Variants in TIAM1 observed in about 807,000 individuals in gnomAD.
TIAM1 encodes TIAM Rac1 associated GEF 1.
TIAM1 carries 65 observed loss-of-function variants against 163.5 expected under a neutral mutation model. The ratio of observed to expected loss-of-function variants is 0.40; its 90% confidence interval spans 0.33 to 0.49. The LOEUF (loss-of-function observed/expected upper bound fraction) is 0.49, where lower values mean the gene tolerates loss of function less well. Ranked by LOEUF, TIAM1 falls within the 20% of genes least tolerant of loss-of-function variation. TIAM1 has a pLI of 0.77. For missense variants in TIAM1, 1,789 were observed against 2,044.7 expected (o/e 0.87, Z 2.41); for synonymous variants, 833 against 810.1 (o/e 1.03, Z -0.48).
At chr21:31,161,778 C>T (rs752197538) in intron 16 of TIAM1, among the ~76,000 whole-genome samples, 2 of 152,166 alleles carry the variant, frequency 1.3e-5, no homozygotes, top group Non-Finnish European at 2.9e-5. Flanking sequence ...TCAGACAAGG[C>T]TAAATCATGC....
chr21:31,159,653 AAAG>A (rs1374882918), intron 16 of TIAM1, among the ~76,000 whole-genome samples: 5 of 152,222 alleles, frequency 3.3e-5, no homozygotes, highest in African/African-American at 1.2e-4. Flanking sequence ...AACAAACTTC[AAAG>A]AAGAAATATC....
intron 12 of TIAM1, among the ~76,000 whole-genome samples, chr21:31,199,862 T>C (rs2086101526): frequency 6.6e-6 from 1 of 150,710 alleles, no homozygotes; most frequent in Admixed American, 6.6e-5. Flanking sequence ...AATACCTCTA[T>C]GATTCCACTC....
At position 31,223,455 on chromosome 21, in the gene TIAM1, A is replaced by G; in HGVS notation, c.1946T>C (p.Val649Ala). ...LLAFASRPTK[V>A]AMGRLGIFSV... ...AAAGATTCCAAGGCGGCCCATGGCC[A>G]CTTTCGTTGGTCGACTTGCAAAAGC... The change falls in exon 8 of 28, where the codon GTG (valine) becomes GCG (alanine). Residue 649 changes from valine (V) to alanine (A), a missense_variant. This residue lies in a region of TIAM1 where 456 missense variants were observed against 586.6 expected (regional missense o/e 0.78). Transcript: ENST00000541036. The G allele has an allele frequency of 6.2e-7, 1 of 1,614,016 alleles. No individual in the cohort carries two copies. Among genetic ancestry groups the G allele is most frequent in the South Asian group, 1.1e-5 (1 of 91,046 alleles).
chr21:31,198,923 A>G (rs945159006), intron 12 of TIAM1, among the ~76,000 whole-genome samples: 58 of 152,380 alleles, frequency 3.8e-4, no homozygotes, highest in African/African-American at 1.2e-4. Context: ...AACTAAAACT[A>G]TATCTCAAGA....
At chr21:31,435,274 G>A (rs568000945) in intron 2 of TIAM1, among the ~76,000 whole-genome samples, 10 of 152,160 alleles carry the variant, frequency 6.6e-5, no homozygotes, top group Non-Finnish European at 1.3e-4. Context: ...CAAGTTTAAG[G>A]CAAGAAGATA....
At chr21:31,164,117 G>A (rs1023625283) in intron 16 of TIAM1, among the ~76,000 whole-genome samples, 2 of 152,186 alleles carry the variant, frequency 1.3e-5, no homozygotes, top group Admixed American at 6.5e-5. Context: ...CAGGCCGGGT[G>A]CAGTGGCTCA....
At chr21:31,275,330 G>C (rs2073250834) in intron 3 of TIAM1, among the ~76,000 whole-genome samples, 1 of 151,874 alleles carries the variant, frequency 6.6e-6, no homozygotes, top group South Asian at 2.1e-4. Flanking sequence ...AAAATAAATA[G>C]AACATGCCAA....
intron 2 of TIAM1, among the ~76,000 whole-genome samples, chr21:31,408,589 C>G (rs1459275525): frequency 6.6e-6 from 1 of 152,212 alleles, no homozygotes; most frequent in African/African-American, 2.4e-5. Flanking sequence ...TGCTCAATAA[C>G]ATTTTGGCTA....
chr21:31,465,860 C>T (rs781757624), intron 1 of TIAM1, among the ~76,000 whole-genome samples: 4 of 151,984 alleles, frequency 2.6e-5, no homozygotes, highest in East Asian at 1.9e-4. Context: ...CGTGAGCCAC[C>T]GCACCTGGCT....
chr21:31,342,247 C>G (rs2076042132), intron 1 of TIAM1, among the ~76,000 whole-genome samples: 2 of 151,722 alleles, frequency 1.3e-5, no homozygotes, highest in Non-Finnish European at 2.9e-5. Flanking sequence ...GAGCTCCAGT[C>G]CAGCCTGGGC....
intron 2 of TIAM1, among the ~76,000 whole-genome samples, chr21:31,360,975 A>G (rs2076397087): frequency 6.6e-6 from 1 of 152,180 alleles, no homozygotes; most frequent in Non-Finnish European, 1.5e-5. Context: ...TGGGTCAGGC[A>G]CTTTAGTAAA....
chr21:31,555,915 G>T (rs2123337847), intron 1 of TIAM1, among the ~76,000 whole-genome samples: 1 of 152,224 alleles, frequency 6.6e-6, no homozygotes, highest in Admixed American at 6.5e-5. Context: ...TGGGGGGAAG[G>T]AGACAGGCCC....
At chr21:31,139,851 T>A (rs2082766903) in intron 22 of TIAM1, among the ~76,000 whole-genome samples, 2 of 152,218 alleles carry the variant, frequency 1.3e-5, no homozygotes. Context: ...TTTGAGAGCC[T>A]GTGCGATTCT....
chr21:31,321,011 G>A (rs1304692323), intron 2 of TIAM1, among the ~76,000 whole-genome samples: 2 of 151,936 alleles, frequency 1.3e-5, no homozygotes, highest in Admixed American at 6.6e-5. Context: ...AGAGATCTGG[G>A]TACAGTGGTG....
intron 20 of TIAM1, among the ~76,000 whole-genome samples, chr21:31,143,217 T>C (rs2284472): frequency 0.47 from 70,779 of 151,870 alleles, 16,800 homozygotes; most frequent in East Asian, 0.71. Flanking sequence ...ATGAACACAA[T>C]CAACATTGGA....
rs536247223 is a variant in TIAM1, at chr21:31,516,094, C to T, written c.-422+42833G>A. On this transcript the variant is annotated intron_variant, in intron 1 of 28. Transcript: ENST00000286827. ...CCACACTCCGGCATGGGAGATACAGCGAGACTCCATCTCAAAAAAAAAAAA... is the reference window on the plus strand; with the variant it reads ...CCACACTCCGGCATGGGAGATACAGTGAGACTCCATCTCAAAAAAAAAAAA... Among the ~76,000 whole-genome samples the T allele has an allele frequency of 8.1e-5, 10 of 122,792 alleles. No individual in the cohort carries two copies. The Admixed American group carries it at 8.5e-4, about 10-fold the overall frequency. 80.6% of individuals were successfully genotyped at this position (122,792 alleles called of 152,430 possible). A position where few individuals can be genotyped will look rare whatever the true frequency, so the allele number is the denominator to read the frequency against.
intron 2 of TIAM1, among the ~76,000 whole-genome samples, chr21:31,321,290 C>T (rs972521323): frequency 3.9e-5 from 6 of 152,104 alleles, no homozygotes; most frequent in East Asian, 1.9e-4. Flanking sequence ...AATCTGAGGC[C>T]GGTCCACACT....
intron 1 of TIAM1, among the ~76,000 whole-genome samples, chr21:31,477,799 G>A (rs894675282): frequency 6.6e-6 from 1 of 152,128 alleles, no homozygotes; most frequent in Non-Finnish European, 1.5e-5. Context: ...CATTTAGGAG[G>A]AAAGAGGAAG....
rs1440478599 is a variant in TIAM1 at position 31,341,580 on chromosome 21, T to A, written c.-368-2158A>T. 2.6e-5 allele frequency among the ~76,000 whole-genome samples: 4 copies of A among 152,348 alleles called. No individual in the cohort carries two copies. In the South Asian group the frequency reaches 8.3e-4, roughly 32 times the overall value. ...AAGTCTTATGTAAATTCTAGTTACA[T>A]TTTTCCAGAACAATATCACAGGGTG... On this transcript the variant is annotated intron_variant, in intron 1 of 27. Coordinates refer to ENST00000541036, the MANE Select transcript of TIAM1 (RefSeq NM_001353694.2).
Sources: allele counts gnomAD v4.1 joint callset (sites outside exome capture counted in the v4.1 genomes callset), GRCh38; gene constraint gnomAD v4.1.1; regional missense constraint gnomAD v4.1.1; transcripts MANE v1.5; gene names NCBI Gene and HGNC (gene_info 2026-07-23, HGNC 2026-07-21).